The following DMD variants were observed in gnomAD, a reference collection of about 807,000 sequenced individuals.
DMD encodes the protein dystrophin.
A neutral mutation model predicts 330.1 loss-of-function variants in DMD; 63 were observed. The observed-to-expected ratio is 0.19, with a 90% CI of 0.16 to 0.24. DMD has a LOEUF of 0.24. DMD is among the 10% of genes least tolerant of loss of function. The pLI is 1.00. For synonymous variants in DMD, 1,223 were observed against 959.8 expected (o/e 1.27, Z -5.07); for missense variants, 3,344 against 2,684.1 (o/e 1.25, Z -5.43).
intron 44 of DMD, among the ~76,000 whole-genome samples, chrX:32,080,668 G>A (rs1157517025): frequency 8.9e-6 from 1 of 111,915 alleles, no homozygotes; most frequent in African/African-American, 3.2e-5. Context: ...GGACGCTGAT[G>A]AACTACTCAG....
chrX:31,267,599 G>A (rs1447340026), intron 62 of DMD, among the ~76,000 whole-genome samples: 1 of 112,458 alleles, frequency 8.9e-6, no homozygotes, highest in African/African-American at 3.2e-5. Flanking sequence ...GAGAATCACT[G>A]GTATGGACTC....
At chrX:32,460,512 G>T (rs922645339) in intron 25 of DMD, among the ~76,000 whole-genome samples, 3 of 111,150 alleles carry the variant, frequency 2.7e-5, no homozygotes, top group Admixed American at 9.6e-5. Context: ...TTAAAAGTCA[G>T]ATGACTTTCC....
intron 7 of DMD, among the ~76,000 whole-genome samples, chrX:32,781,883 T>C (rs187468679): frequency 1.1e-4 from 12 of 111,322 alleles, no homozygotes; most frequent in Admixed American, 6.7e-4. Context: ...AAATTACATG[T>C]TCACTCCACT....
Position 31,293,218 on chromosome X carries a change from T to TGTGTGTGAGTGTGTGTGTAGTCTGGTTTA in DMD, c.9224+30379_9224+30380insTAAACCAGACTACACACACACTCACACAC, listed in dbSNP as rs1569519901. Among the ~76,000 whole-genome samples the TGTGTGTGAGTGTGTGTGTAGTCTGGTTTA allele has an allele frequency of 2.2e-3, 209 of 95,839 alleles. 1 individual carries two copies. Among genetic ancestry groups the TGTGTGTGAGTGTGTGTGTAGTCTGGTTTA allele is most frequent in the African/African-American group, 8.3e-3 (189 of 22,654 alleles). 83.2% of individuals were successfully genotyped at this position (95,839 alleles called of 115,157 possible). A position where few individuals can be genotyped will look rare whatever the true frequency, so the allele number is the denominator to read the frequency against. On this transcript the variant is annotated intron_variant, in intron 62 of 78. Coordinates refer to ENST00000357033, the MANE Select transcript of DMD (RefSeq NM_004006.3). ...TAGTCTGGTTTAGTGTGTGTGTGTG[T>TGTGTGTGAGTGTGTGTGTAGTCTGGTTTA]GTGTGTGTGTGTGTGTGTGTGTGTG... is the stretch of plus-strand genomic sequence containing the variant.
chrX:31,741,640 T>A (rs1382960724), intron 51 of DMD, among the ~76,000 whole-genome samples: 1 of 110,105 alleles, frequency 9.1e-6, no homozygotes, highest in East Asian at 2.9e-4. Flanking sequence ...TGTGCAGTCA[T>A]CTAGTCTTTG....
At chrX:32,234,960 C>A (rs1250092803) in intron 43 of DMD, among the ~76,000 whole-genome samples, 1 of 111,779 alleles carries the variant, frequency 8.9e-6, no homozygotes, top group Non-Finnish European at 1.9e-5. Context: ...ATCCAGCTTT[C>A]ACTTATCCCA....
intron 62 of DMD, among the ~76,000 whole-genome samples, chrX:31,316,738 C>T (rs1326625870): frequency 8.9e-6 from 1 of 112,002 alleles, no homozygotes; most frequent in African/African-American, 3.2e-5. Context: ...CCTTTGAAAC[C>T]ATCAAATGGC....
chrX:33,321,288 A>G (rs1227590482), intron 1 of DMD, among the ~76,000 whole-genome samples: 1 of 111,475 alleles, frequency 9.0e-6, no homozygotes, highest in Non-Finnish European at 1.9e-5. Context: ...TGAGACATAA[A>G]TGTTGAACTT....
chrX:32,339,093 T>G (rs992177717), intron 41 of DMD, among the ~76,000 whole-genome samples: 1 of 111,943 alleles, frequency 8.9e-6, no homozygotes, highest in South Asian at 3.7e-4. Flanking sequence ...TGAGCCTGCA[T>G]AACGCAGCAG....
intron 1 of DMD, among the ~76,000 whole-genome samples, chrX:33,186,684 A>T (rs1444983938): frequency 9.0e-6 from 1 of 111,618 alleles, no homozygotes; most frequent in African/African-American, 3.2e-5. Context: ...GAAAAAAATA[A>T]AAATGTAAAT....
intron 74 of DMD, among the ~76,000 whole-genome samples, chrX:31,165,720 C>A (rs2039345111): frequency 8.9e-6 from 1 of 111,813 alleles, no homozygotes. Flanking sequence ...TGGCTCTTTG[C>A]CAAATAAAGA....
chrX:32,981,510 G>A (rs1027155208), intron 2 of DMD, among the ~76,000 whole-genome samples: 29 of 111,596 alleles, frequency 2.6e-4, no homozygotes, highest in Non-Finnish European at 4.5e-4. Context: ...CAGTTAATGA[G>A]CATCTCACTA....
chrX:32,628,258 ATTTTTTTTTTTTTTTTTTTTTTTT>A (rs1170760390), intron 11 of DMD, among the ~76,000 whole-genome samples: 1 of 15,359 alleles, frequency 6.5e-5, no homozygotes, highest in South Asian at 4.0e-3. Flanking sequence ...AGTTGTTTTA[ATTTTTTTTTTTTTTTTTTTTTTTT>A]TTTTTTTTTT....
intron 48 of DMD, among the ~76,000 whole-genome samples, chrX:31,839,361 C>T (rs1046944855): frequency 8.9e-5 from 10 of 111,940 alleles, no homozygotes; most frequent in Admixed American, 7.6e-4. Context: ...AACAAAAAAC[C>T]GTTGAACGGG....
chrX:32,963,645 CTAG>C (rs1403440862), intron 2 of DMD, among the ~76,000 whole-genome samples: 1 of 112,139 alleles, frequency 8.9e-6, no homozygotes, highest in Non-Finnish European at 1.9e-5. Flanking sequence ...TTGTTAACGC[CTAG>C]TAAATGTTAA....
In DMD at chrX:31,279,876, C is replaced by G. The variant is rs768429870; in HGVS notation, c.9225-18860G>C. Among the ~76,000 whole-genome samples the G allele has an allele frequency of 9.8e-5, 11 of 112,674 alleles. No homozygotes were observed. The East Asian group carries it at 3.0e-3, about 31-fold the overall frequency. On this transcript the variant is annotated intron_variant, in intron 62 of 78. Coordinates refer to ENST00000357033, the MANE Select transcript of DMD (RefSeq NM_004006.3). Reference sequence around the variant, plus strand: ...TGTACAGCCTCTCAGCTAAGTATGACTACATTTTTAGAGTTGTAAAAAGAA... The same window carrying G: ...TGTACAGCCTCTCAGCTAAGTATGAGTACATTTTTAGAGTTGTAAAAAGAA...
chrX:32,092,198 G>T (rs1646324563), intron 44 of DMD, among the ~76,000 whole-genome samples: 1 of 111,550 alleles, frequency 9.0e-6, no homozygotes, highest in Admixed American at 9.6e-5. Context: ...CAATCTAGAA[G>T]AGGCATGGGC....
Position 32,336,433 on chromosome X carries a change from A to AT in DMD, c.5922+5666dup, listed in dbSNP as rs1409066540. On this transcript the variant is annotated intron_variant, in intron 41 of 78. Coordinates refer to ENST00000357033, the MANE Select transcript of DMD (RefSeq NM_004006.3). ...AAATGTGTACTTTAATTTTGTCAAAATATCCCATTACAATTACTCTGCTGT... is the reference window on the plus strand; with the variant it reads ...AAATGTGTACTTTAATTTTGTCAAAATTATCCCATTACAATTACTCTGCTGT... 6.2e-5 allele frequency among the ~76,000 whole-genome samples: 7 copies of AT among 112,084 alleles called. No homozygotes were observed. In the East Asian group the frequency reaches 2.0e-3, roughly 31 times the overall value.
chrX:32,536,344 G>A (rs1446680343), intron 17 of DMD, among the ~76,000 whole-genome samples: 1 of 109,225 alleles, frequency 9.2e-6, no homozygotes, highest in Non-Finnish European at 1.9e-5. Context: ...AAGACAAGGT[G>A]GTTAGTAGCA....
Sources: gnomAD v4.1 joint callset for allele counts (sites outside exome capture counted in the v4.1 genomes callset) on GRCh38, gnomAD v4.1.1 for gene constraint, MANE v1.5 for transcripts, NCBI Gene and HGNC (gene_info 2026-07-23, HGNC 2026-07-21) for gene names.